The following DCDC1 variants were observed in gnomAD, a reference collection of about 807,000 sequenced individuals.
DCDC1 encodes doublecortin domain-containing protein 1.
In DCDC1, 200 loss-of-function variants were observed where a neutral mutation model predicts 178.3. The ratio of observed to expected loss-of-function variants is 1.12; its 90% CI spans 1.00 to 1.26. DCDC1 has a LOEUF of 1.26. Among genes scored for constraint, DCDC1 ranks in the 50% most tolerant of loss-of-function variants. The pLI is 0.00. For missense variants in DCDC1, 1,983 were observed against 1,749.2 expected, an observed-to-expected ratio of 1.13 and a Z score of -2.38; for synonymous variants, 690 against 604.8, an observed-to-expected ratio of 1.14 and a Z score of -2.07.
In DCDC1 at chr11:30,931,940, G is replaced by C. The variant is rs1474343350; in HGVS notation, c.2728C>G (p.Pro910Ala). The C allele has an allele frequency of 6.2e-7, 1 of 1,604,952 alleles. No individual in the cohort carries two copies. Residue 910 changes from proline (P) to alanine (A), a missense_variant, in exon 22 of 39, where the codon CCA becomes GCA. By Grantham distance (27) the Pro-to-Ala change is conservative. Coordinates refer to ENST00000684477, the MANE Select transcript of DCDC1 (RefSeq NM_001387274.1). ...CTCGGAACAAGCAGTCCTTGTATTG[G>C]CCAATCAAACTCCTTCAGAAAGAAA... The part of the protein sequence containing the change: ...SGQLNEEFDW[P>A]IQGLLVPSSP...
At chr11:31,127,015 A>G (rs1349892240) in intron 11 of DCDC1, among the ~76,000 whole-genome samples, 7 of 152,172 alleles carry the variant, frequency 4.6e-5, no homozygotes, top group African/African-American at 1.4e-4. Flanking sequence ...CACTTATCCA[A>G]TACAGATGCT....
intron 8 of DCDC1, 130 bp from the exon 9 acceptor site, chr11:31,241,746 TAGAG>T: frequency 2.6e-6 from 1 of 387,818 alleles, no homozygotes; most frequent in Non-Finnish European, 4.6e-6. Context: ...GGTTAAGTCT[TAGAG>T]AGGCAATTCC....
At chr11:30,865,677 G>A (rs371480760) in intron 38 of DCDC1, among the ~76,000 whole-genome samples, 1 of 152,068 alleles carries the variant, frequency 6.6e-6, no homozygotes. Flanking sequence ...TGTCAGACAA[G>A]CAAGGTTTAA....
chr11:31,306,534 G>A, intron 4 of DCDC1, 146 bp from the exon 5 acceptor site: 1 of 797,330 alleles, frequency 1.3e-6, no homozygotes, highest in Non-Finnish European at 1.7e-6. Flanking sequence ...CTTTTTATAG[G>A]ATAAGATTGT....
At chr11:31,262,948 A>T in intron 8 of DCDC1, 6 of 1,302,070 alleles carry the variant, frequency 4.6e-6, no homozygotes, top group Non-Finnish European at 6.3e-6. Context: ...TAAGGATGCA[A>T]AAACAGAGGG....
At chr11:31,119,106 C>G (rs1960410567) in intron 11 of DCDC1, among the ~76,000 whole-genome samples, 1 of 152,090 alleles carries the variant, frequency 6.6e-6, no homozygotes, top group African/African-American at 2.4e-5. Flanking sequence ...AAAGAAGAGT[C>G]AAGAGATTTC....
At chr11:31,118,292 A>G (rs1960269175) in intron 11 of DCDC1, among the ~76,000 whole-genome samples, 1 of 152,190 alleles carries the variant, frequency 6.6e-6, no homozygotes, top group South Asian at 2.1e-4. Flanking sequence ...GTGAATGAGT[A>G]TCCTGAGAAA....
chr11:31,096,173 T>C (rs1412549857), intron 15 of DCDC1, among the ~76,000 whole-genome samples: 1 of 152,220 alleles, frequency 6.6e-6, no homozygotes, highest in Non-Finnish European at 1.5e-5. Context: ...AAGACTCCTA[T>C]ATGTGAAAAT....
chr11:31,149,088 A>C (rs1565349584), intron 9 of DCDC1, among the ~76,000 whole-genome samples: 1 of 152,186 alleles, frequency 6.6e-6, no homozygotes, highest in Non-Finnish European at 1.5e-5. Context: ...CCTTTTTATG[A>C]CTGAGTAGTA....
intron 17 of DCDC1, 38 bp from the exon 18 acceptor site, chr11:31,077,963 C>T (rs1045936316): frequency 2.9e-5 from 22 of 763,394 alleles, no homozygotes; most frequent in African/African-American, 8.5e-5. Flanking sequence ...GACATCTTCT[C>T]TCCACAGAAA....
chr11:31,249,912 T>C (rs575728511), intron 8 of DCDC1, among the ~76,000 whole-genome samples: 21 of 152,220 alleles, frequency 1.4e-4, no homozygotes, highest in Admixed American at 5.2e-4. Flanking sequence ...CAGGAAAACA[T>C]ACAGTAATCA....
chr11:31,328,492 A>G (rs1385414568), intron 2 of DCDC1, among the ~76,000 whole-genome samples: 2 of 152,048 alleles, frequency 1.3e-5, no homozygotes, highest in Non-Finnish European at 2.9e-5. Flanking sequence ...AATTGGTATA[A>G]TACTGTTTAA....
intron 13 of DCDC1, among the ~76,000 whole-genome samples, chr11:31,104,465 G>A (rs961057711): frequency 6.6e-6 from 1 of 151,940 alleles, no homozygotes. Flanking sequence ...CAAGAAAAAT[G>A]CCTGGACTCT....
chr11:30,962,029 C>A (rs1949127771), intron 20 of DCDC1, among the ~76,000 whole-genome samples: 1 of 151,984 alleles, frequency 6.6e-6, no homozygotes, highest in South Asian at 2.1e-4. Flanking sequence ...ACCAGTATCA[C>A]TGTATGAAAT....
intron 7 of DCDC1, among the ~76,000 whole-genome samples, chr11:31,279,927 T>A (rs1946304043): frequency 6.6e-6 from 1 of 152,066 alleles, no homozygotes; most frequent in Non-Finnish European, 1.5e-5. Flanking sequence ...TCTGTAATTT[T>A]TTATTCTGTA....
chr11:31,328,084 ATTTAG>A, intron 3 of DCDC1, 28 bp downstream of exon 3: 1 of 1,566,990 alleles, frequency 6.4e-7, no homozygotes. Context: ...CCCCTTCAGT[ATTTAG>A]TTTAAGCTGC....
intron 15 of DCDC1, among the ~76,000 whole-genome samples, chr11:31,097,472 A>G (rs1300666583): frequency 6.6e-6 from 1 of 152,238 alleles, no homozygotes; most frequent in African/African-American, 2.4e-5. Context: ...ACATAAGTAA[A>G]AATCACAGCT....
chr11:30,996,537 T>G (rs533355538), intron 20 of DCDC1, among the ~76,000 whole-genome samples: 2 of 152,290 alleles, frequency 1.3e-5, no homozygotes, highest in Non-Finnish European at 2.9e-5. Flanking sequence ...ATGAATGGAA[T>G]TAGATGCTCT....
chr11:30,921,431 C>A (rs147301237), intron 24 of DCDC1, among the ~76,000 whole-genome samples: 1 of 152,034 alleles, frequency 6.6e-6, no homozygotes, highest in East Asian at 1.9e-4. Context: ...GGAGGAAGAT[C>A]ATGAGGAAAT....
Sources: allele counts gnomAD v4.1 joint callset (sites outside exome capture counted in the v4.1 genomes callset), GRCh38; gene constraint gnomAD v4.1.1; transcripts MANE v1.5; gene names NCBI Gene and HGNC (gene_info 2026-07-23, HGNC 2026-07-21).